Variants in MACF1 observed in about 807,000 individuals in gnomAD.
MACF1 encodes the protein microtubule-actin cross-linking factor 1.
A neutral mutation model predicts 854.8 loss-of-function variants in MACF1; 193 were observed. That is an observed-to-expected ratio of 0.23 (90% CI 0.20 to 0.25). The LOEUF is 0.25. Among genes scored for constraint, MACF1 ranks in the 10% least tolerant of loss-of-function variants. MACF1 has a pLI of 1.00. For missense variants in MACF1, 7,722 were observed against 8,929.1 expected (o/e 0.86, Z 5.45); for synonymous variants, 3,185 against 3,226.7 (o/e 0.99, Z 0.44).
chr1:39,320,917 G>A (rs11805542), intron 31 of MACF1, among the ~76,000 whole-genome samples: 90 of 152,270 alleles, frequency 5.9e-4, no homozygotes, highest in African/African-American at 2.0e-3. Flanking sequence ...CTATTGAGCC[G>A]TGATTGTGTC....
At chr1:39,381,589 G>C (rs1650224567) in intron 55 of MACF1, among the ~76,000 whole-genome samples, 1 of 152,030 alleles carries the variant, frequency 6.6e-6, no homozygotes, top group East Asian at 1.9e-4. Context: ...AGCTGGCCTT[G>C]AACTCTTGGG....
intron 89 of MACF1, chr1:39,457,047 A>C (rs1644454326): frequency 6.6e-6 from 1 of 152,110 alleles, no homozygotes; most frequent in African/African-American, 2.4e-5. Context: ...CTGACGTCTC[A>C]TTCTTGATGC....
At chr1:39,269,792 G>A (rs921605252) in intron 6 of MACF1, 33 of 1,183,856 alleles carry the variant, frequency 2.8e-5, no homozygotes, top group Admixed American at 1.8e-4. Context: ...TTAAAGCTGA[G>A]TGTGGTGAGC....
At chr1:39,342,634 G>A (rs574563585) in intron 40 of MACF1, among the ~76,000 whole-genome samples, 4 of 148,462 alleles carry the variant, frequency 2.7e-5, no homozygotes, top group East Asian at 4.0e-4. Context: ...TTCTCCTGCC[G>A]CAGCCTCCCA....
At chr1:39,403,837 T>TGG (rs202180229) in intron 58 of MACF1, among the ~76,000 whole-genome samples, 56 of 122,284 alleles carry the variant, frequency 4.6e-4, no homozygotes, top group African/African-American at 2.0e-3. Context: ...TAAAAATTTT[T>TGG]GGGCGGGGGG....
In MACF1 at chr1:39,334,724, G is replaced by C. The variant is rs774350349; in HGVS notation, c.8136G>C (p.Leu2712=). 1.2e-6 allele frequency: 2 copies of C among 1,613,950 alleles called. No homozygotes were observed. Among genetic ancestry groups the C allele is most frequent in the Non-Finnish European group, 1.7e-6 (2 of 1,180,008 alleles). The change falls in exon 37 of 101, where the codon CTG becomes CTC. Residue 2712 remains leucine (L), a synonymous_variant. Transcript: ENST00000564288. ...LTLASALEEK[L]VDENMVRIIA... ...TGGCATCAGCTTTGGAAGAGAAACT[G>C]GTGGATGAAAACATGGTCAGAATTA...
intron 79 of MACF1, 39 bp from the exon 80 acceptor site, chr1:39,444,623 A>T (rs1160640640): frequency 2.5e-6 from 4 of 1,573,322 alleles, no homozygotes; most frequent in Non-Finnish European, 3.5e-6. Flanking sequence ...TCTTCCAGAG[A>T]ATTCGTAGAA....
chr1:39,410,821 G>A lies in MACF1; in HGVS notation c.15817-11553G>A, dbSNP rs566728731. ...AAGTTCTGGTCATTTGGACCACAGG[G>A]AACCTCAGTCAGAGTCAGTAACTCT... On this transcript the variant is annotated intron_variant, in intron 58 of 100. Transcript: ENST00000564288. 623 of 1,614,000 alleles carry A rather than the reference G, an allele frequency of 3.9e-4. 3 individuals carry two copies. The South Asian group carries it at 6.5e-3, about 17-fold the overall frequency.
At chr1:39,380,661 C>T (rs1218258024) in intron 55 of MACF1, among the ~76,000 whole-genome samples, 1 of 152,172 alleles carries the variant, frequency 6.6e-6, no homozygotes. Context: ...AATCTCAGCA[C>T]TTTGGGAATC....
intron 25 of MACF1, 103 bp from the exon 26 acceptor site, chr1:39,310,728 G>A (rs1028897439): frequency 6.0e-6 from 7 of 1,168,940 alleles, no homozygotes; most frequent in Non-Finnish European, 8.3e-6. Context: ...GTAGGATTAG[G>A]CAGAAGATTC....
At chr1:39,306,860 AATTATTATT>A (rs141461887) in intron 23 of MACF1, among the ~76,000 whole-genome samples, 307 of 144,892 alleles carry the variant, frequency 2.1e-3, no homozygotes, top group African/African-American at 6.1e-3. Context: ...CATTTTTTGA[AATTATTATT>A]ATTATTATTA....
intron 58 of MACF1, among the ~76,000 whole-genome samples, chr1:39,399,315 T>C (rs541231709): frequency 1.3e-5 from 2 of 151,466 alleles, no homozygotes; most frequent in Middle Eastern, 3.4e-3. Flanking sequence ...ACACTCCTTA[T>C]ACATTTTAGG....
chr1:39,152,531 G>C (rs547036552), intron 2 of MACF1, among the ~76,000 whole-genome samples: 1 of 152,106 alleles, frequency 6.6e-6, no homozygotes, highest in East Asian at 1.9e-4. Flanking sequence ...CCTCATTGAC[G>C]TTCTCCCTGT....
intron 49 of MACF1, among the ~76,000 whole-genome samples, chr1:39,362,595 A>G (rs541302540): frequency 2.0e-5 from 3 of 152,116 alleles, no homozygotes; most frequent in South Asian, 2.1e-4. Context: ...AGCCTCTTCA[A>G]GCTGTCTCCT....
At chr1:39,410,447 C>A (rs766955281) in intron 58 of MACF1, 1 of 1,613,934 alleles carries the variant, frequency 6.2e-7, no homozygotes, top group Non-Finnish European at 8.5e-7. Flanking sequence ...TCAAAAAGCA[C>A]CATGGAAAAG....
upstream of MACF1, among the ~76,000 whole-genome samples, chr1:39,201,322 TA>T (rs1231887018): frequency 6.6e-6 from 1 of 152,168 alleles, no homozygotes; most frequent in Admixed American, 6.5e-5. Context: ...TACCCACTCT[TA>T]TCTCTCAGTA....
chr1:39,295,831 G>C lies in MACF1; in HGVS notation c.2304G>C (p.Gln768His). The C allele has an allele frequency of 2.5e-6, 4 of 1,614,150 alleles. No homozygotes were observed. The highest frequency in any genetic ancestry group is 3.4e-6 in the Non-Finnish European group (4 of 1,180,004). Residue 768 changes from glutamine (Q) to histidine (H), a missense_variant, in exon 20 of 101, where the codon CAG (glutamine) becomes CAC (histidine). Gln to His is a conservative substitution (Grantham distance 24). Around this residue, in one of 15 missense-constraint regions of MACF1, gnomAD observed 1,137 missense variants for 1,263.0 expected, o/e 0.90. Coordinates refer to ENST00000564288, the MANE Select transcript of MACF1 (RefSeq NM_001394062.1). The part of the protein sequence containing the change: ...AVQSQLQWMK[Q>H]LCLCVEQHVK... ...AGTCCCAGTTGCAGTGGATGAAGCA[G>C]CTGTGCCTGTGTGTTGAGCAGCATG... is the stretch of plus-strand genomic sequence containing the variant.
intron 2 of MACF1, among the ~76,000 whole-genome samples, chr1:39,125,101 AG>A (rs1220909281): frequency 6.6e-6 from 1 of 152,228 alleles, no homozygotes; most frequent in Non-Finnish European, 1.5e-5. Flanking sequence ...CAAACTCAAA[AG>A]CAATTAAACA....
intron 1 of MACF1, among the ~76,000 whole-genome samples, chr1:39,209,659 C>T (rs774691393): frequency 6.6e-6 from 1 of 152,056 alleles, no homozygotes; most frequent in Non-Finnish European, 1.5e-5. Context: ...TAAAGCAGTT[C>T]CCTTTATCAT....
Sources: gnomAD v4.1 joint callset for allele counts (sites outside exome capture counted in the v4.1 genomes callset) on GRCh38, gnomAD v4.1.1 for gene constraint, gnomAD v4.1.1 regional missense constraint, MANE v1.5 for transcripts, NCBI Gene and HGNC (gene_info 2026-07-23, HGNC 2026-07-21) for gene names.